TYW1B: variants seen among roughly 807,000 people sequenced by gnomAD.
TYW1B encodes S-adenosyl-L-methionine-dependent tRNA 4-demethylwyosine synthase TYW1B.
A neutral mutation model predicts 86.9 loss-of-function variants in TYW1B; 73 were observed. The ratio of observed to expected loss-of-function variants is 0.84; its 90% CI spans 0.70 to 1.02. The LOEUF (loss-of-function observed/expected upper bound fraction) is 1.02. TYW1B is among the 50% of genes least tolerant of loss of function. The probability of loss-of-function intolerance (pLI) is 0.00; values close to 1 mark genes in which losing one functional copy is unlikely to be tolerated. For synonymous variants in TYW1B, 248 were observed against 292.8 expected (o/e 0.85, Z 1.56); for missense variants, 637 against 827.4 (o/e 0.77, Z 2.82).
chr7:72,611,598 A>T (rs1811934980), intron 13 of TYW1B, among the ~76,000 whole-genome samples: 1 of 151,122 alleles, frequency 6.6e-6, no homozygotes, highest in South Asian at 2.1e-4. Context: ...AGTCCATTAA[A>T]CCTCTTTTCC....
intron 2 of TYW1B, among the ~76,000 whole-genome samples, chr7:72,817,854 A>G (rs1264711300): frequency 6.6e-6 from 1 of 152,088 alleles, no homozygotes; most frequent in East Asian, 1.9e-4. Flanking sequence ...CAAATGAAGA[A>G]TTGGCTCATG....
chr7:72,743,902 C>T (rs1165944448), intron 8 of TYW1B, among the ~76,000 whole-genome samples: 2 of 151,416 alleles, frequency 1.3e-5, no homozygotes, highest in African/African-American at 4.9e-5. Context: ...AGCACCACCA[C>T]CCCCAAAAAG....
chr7:72,739,352 T>C (rs1787259245), intron 8 of TYW1B, among the ~76,000 whole-genome samples: 2 of 152,044 alleles, frequency 1.3e-5, no homozygotes, highest in South Asian at 4.1e-4. Context: ...ACTCCTGTAA[T>C]CTCAGCACTT....
rs35641958 is a variant in TYW1B, at chr7:72,774,381, GA to G, written c.964+3034del. ...AAAGTAACTTAACCTTGTCCCAGGG[GA>G]AAAAAAAAAAAAAAAAAGCTTAAAA... On this transcript the variant is annotated intron_variant, in intron 7 of 13. Transcript: ENST00000620995. 1.2e-3 allele frequency among the ~76,000 whole-genome samples: 156 copies of G among 124,892 alleles called. No individual in the cohort carries two copies. In the Middle Eastern group the frequency reaches 0.013, roughly 10 times the overall value. 81.9% of individuals were successfully genotyped at this position (124,892 alleles called of 152,430 possible).
At chr7:72,705,584 T>C (rs527949998) in intron 10 of TYW1B, among the ~76,000 whole-genome samples, 3 of 152,298 alleles carry the variant, frequency 2.0e-5, no homozygotes, top group East Asian at 3.9e-4. Flanking sequence ...AGATTCTAAA[T>C]GTAAATTTTA....
intron 11 of TYW1B, among the ~76,000 whole-genome samples, chr7:72,641,756 T>C (rs1196263118): frequency 6.6e-6 from 1 of 152,212 alleles, no homozygotes; most frequent in African/African-American, 2.4e-5. Context: ...ACTGTAAATG[T>C]ATGAAATGCC....
At chr7:72,808,597 G>A (rs1376340889) in intron 4 of TYW1B, among the ~76,000 whole-genome samples, 22 of 145,352 alleles carry the variant, frequency 1.5e-4, no homozygotes, top group African/African-American at 5.1e-4. Context: ...GCACGACCTC[G>A]GCTCACTGCA....
intron 7 of TYW1B, among the ~76,000 whole-genome samples, chr7:72,755,060 TAAAAATAAA>T (rs1787563112): frequency 6.6e-6 from 1 of 152,028 alleles, no homozygotes; most frequent in African/African-American, 2.4e-5. Flanking sequence ...TGCAAAGTAT[TAAAAATAAA>T]TAAAATAAAG....
In TYW1B at chr7:72,616,669, T is replaced by C. The variant is rs782527712; in HGVS notation, c.1785+3A>G. ...GAAGATTCCATGTTTGAGTTATTCT[T>C]ACCTTTCTGTGTGCTATCAGGAGGC... On this transcript the variant is annotated splice_donor_region_variant and intron_variant, in intron 13 of 13. Transcript: ENST00000620995. 8.7e-6 allele frequency: 14 copies of C among 1,614,076 alleles called. No individual in the cohort carries two copies. The highest frequency in any genetic ancestry group is 1.2e-5 in the Non-Finnish European group (14 of 1,179,928).
intron 10 of TYW1B, among the ~76,000 whole-genome samples, chr7:72,695,323 A>T (rs1362551174): frequency 1.3e-5 from 2 of 152,214 alleles, no homozygotes; most frequent in Non-Finnish European, 2.9e-5. Flanking sequence ...CTATGCTTCC[A>T]TAAGCAGGAC....
At chr7:72,607,435 G>A (rs1227081007) in intron 13 of TYW1B, among the ~76,000 whole-genome samples, 1 of 148,512 alleles carries the variant, frequency 6.7e-6, no homozygotes, top group Non-Finnish European at 1.5e-5. Flanking sequence ...GAAGAAAGAG[G>A]AGGAAGAAGA....
chr7:72,807,769 G>T (rs185033715), intron 4 of TYW1B, among the ~76,000 whole-genome samples: 1 of 152,218 alleles, frequency 6.6e-6, no homozygotes, highest in African/African-American at 2.4e-5. Flanking sequence ...AATCAATTTG[G>T]CAAGATTCGT....
chr7:72,767,254 C>G (rs1222005634), intron 7 of TYW1B, among the ~76,000 whole-genome samples: 1 of 152,172 alleles, frequency 6.6e-6, no homozygotes, highest in Non-Finnish European at 1.5e-5. Flanking sequence ...TTGATCTTTG[C>G]AGCCAAGGAT....
intron 11 of TYW1B, among the ~76,000 whole-genome samples, chr7:72,672,814 G>T (rs1324236348): frequency 6.6e-6 from 1 of 152,134 alleles, no homozygotes; most frequent in Non-Finnish European, 1.5e-5. Flanking sequence ...ACACATGTGT[G>T]TACATTTTGT....
At chr7:72,764,060 TA>T (rs1259265557) in intron 7 of TYW1B, among the ~76,000 whole-genome samples, 3 of 151,036 alleles carry the variant, frequency 2.0e-5, no homozygotes, top group Non-Finnish European at 4.4e-5. Flanking sequence ...CAAAAGATTA[TA>T]TGAAATTTAT....
At chr7:72,646,214 C>G (rs1460627966) in intron 11 of TYW1B, among the ~76,000 whole-genome samples, 3 of 151,642 alleles carry the variant, frequency 2.0e-5, no homozygotes, top group African/African-American at 7.3e-5. Flanking sequence ...ACCACCATGT[C>G]CAGCTTATTT....
intron 7 of TYW1B, among the ~76,000 whole-genome samples, chr7:72,764,027 GAT>G (rs1787730909): frequency 6.6e-6 from 1 of 152,058 alleles, no homozygotes; most frequent in African/African-American, 2.4e-5. Context: ...TTTGTATGGG[GAT>G]ATGTTATTAA....
intron 13 of TYW1B, among the ~76,000 whole-genome samples, chr7:72,603,742 T>C (rs1554434342): frequency 6.6e-6 from 1 of 152,160 alleles, no homozygotes; most frequent in African/African-American, 2.4e-5. Flanking sequence ...AAACGGCACT[T>C]CACCTCAGTG....
intron 9 of TYW1B, among the ~76,000 whole-genome samples, chr7:72,727,642 C>A (rs1238879401): frequency 1.3e-5 from 2 of 151,876 alleles, no homozygotes; most frequent in African/African-American, 4.8e-5. Flanking sequence ...CATGGCTAGA[C>A]CCCATCTTCA....
Sources: gnomAD v4.1 joint callset for allele counts (sites outside exome capture counted in the v4.1 genomes callset) on GRCh38, gnomAD v4.1.1 for gene constraint, MANE v1.5 for transcripts, NCBI Gene and HGNC (gene_info 2026-07-23, HGNC 2026-07-21) for gene names.